Variants in WWC1 observed in about 807,000 individuals in gnomAD.
WWC1 encodes protein KIBRA.
WWC1 carries 55 observed loss-of-function variants against 138.4 expected under a neutral mutation model. The ratio of observed to expected loss-of-function variants is 0.40; its 90% CI spans 0.32 to 0.50. The LOEUF (loss-of-function observed/expected upper bound fraction) is 0.50, where lower values mean the gene tolerates loss of function less well. Ranked by LOEUF, WWC1 falls within the 20% of genes least tolerant of loss-of-function variation. WWC1 has a pLI of 0.72. For missense variants in WWC1, 1,226 were observed against 1,420.4 expected (o/e 0.86, Z 2.20); for synonymous variants, 524 against 564.9 (o/e 0.93, Z 1.03).
chr5:168,450,395 C>T (rs1286887435), intron 17 of WWC1, among the ~76,000 whole-genome samples: 1 of 152,024 alleles, frequency 6.6e-6, no homozygotes, highest in Non-Finnish European at 1.5e-5. Context: ...TGGCTGGGCA[C>T]GGTGACTCAC....
intron 5 of WWC1, 82 bp downstream of exon 5, chr5:168,399,649 C>T (rs1779162388): frequency 3.0e-6 from 4 of 1,330,306 alleles, no homozygotes; most frequent in Non-Finnish European, 4.3e-6. Flanking sequence ...CTCTCTCCTT[C>T]AGTCCCTTTC....
At chr5:168,297,932 G>T (rs1005335551) in intron 1 of WWC1, among the ~76,000 whole-genome samples, 9 of 152,146 alleles carry the variant, frequency 5.9e-5, no homozygotes, top group Admixed American at 6.6e-5. Flanking sequence ...TATGTCAAAT[G>T]ATTACATTTC....
intron 18 of WWC1, among the ~76,000 whole-genome samples, chr5:168,454,564 T>C (rs1317106829): frequency 6.6e-6 from 1 of 152,228 alleles, no homozygotes; most frequent in Admixed American, 6.5e-5. Flanking sequence ...GCTTCCCTGC[T>C]GCACTAGGGT....
At position 168,428,132 on chromosome 5, in the gene WWC1, C is replaced by T. The variant is rs1016177915; in HGVS notation, c.1910C>T (p.Ser637Phe). 1.9e-6 allele frequency: 3 copies of T among 1,613,058 alleles called. No individual in the cohort carries two copies. The highest frequency in any genetic ancestry group is 2.7e-5 in the African/African-American group (2 of 74,986). ...GGAGACAGTGGTGTGTACGAGGCTT[C>T]CGTGCAGAGGTAGGTGTCTGGGTGC... Reference protein sequence around the residue: ...VAGDSGVYEASVQRLGASEAA... With the variant: ...VAGDSGVYEAFVQRLGASEAA... Residue 637 changes from serine to phenylalanine, a missense_variant, in exon 12 of 23, where the codon TCC becomes TTC. Ser to Phe is a radical substitution (Grantham distance 155, BLOSUM62 -2). Coordinates refer to ENST00000265293, the MANE Select transcript of WWC1 (RefSeq NM_015238.3).
intron 1 of WWC1, among the ~76,000 whole-genome samples, chr5:168,339,114 T>C (rs1171827789): frequency 1.3e-5 from 2 of 152,148 alleles, no homozygotes; most frequent in Middle Eastern, 3.2e-3. Flanking sequence ...TTTTTAAAAA[T>C]TGAAAAAGAA....
chr5:168,436,122 C>G (rs1003474521), intron 15 of WWC1, among the ~76,000 whole-genome samples: 1 of 152,140 alleles, frequency 6.6e-6, no homozygotes, highest in African/African-American at 2.4e-5. Context: ...GGATTACAGA[C>G]GTGAGCCACC....
At position 168,455,448 on chromosome 5, in the gene WWC1, A is replaced by G; in HGVS notation, c.2751A>G (p.Pro917=). ...GAGTGGGCACCCCGTCCCAGGGGCC[A>G]TTTCTTCGAGGGAGCACCATCATCC... ...DRRVGTPSQG[P]FLRGSTIIRS... The change falls in exon 19 of 23, where the codon CCA becomes CCG. Residue 917 remains proline, a synonymous_variant. Coordinates refer to ENST00000265293, the MANE Select transcript of WWC1 (RefSeq NM_015238.3). The G allele has an allele frequency of 6.2e-7, 1 of 1,612,686 alleles. No homozygotes were observed. Among genetic ancestry groups the G allele is most frequent in the Non-Finnish European group, 8.5e-7 (1 of 1,179,410 alleles).
chr5:168,403,719 C>A (rs1231047051), intron 5 of WWC1, among the ~76,000 whole-genome samples: 2 of 151,810 alleles, frequency 1.3e-5, no homozygotes, highest in African/African-American at 4.8e-5. Flanking sequence ...AAGCACGAGC[C>A]CTGCCGTGCC....
intron 11 of WWC1, among the ~76,000 whole-genome samples, chr5:168,424,294 A>G (rs1294614940): frequency 6.6e-6 from 1 of 152,238 alleles, no homozygotes; most frequent in African/African-American, 2.4e-5. Flanking sequence ...ACAGACATTT[A>G]GCACCTCATA....
chr5:168,342,765 G>A (rs1040606765), intron 1 of WWC1, among the ~76,000 whole-genome samples: 2 of 152,174 alleles, frequency 1.3e-5, no homozygotes, highest in African/African-American at 2.4e-5. Context: ...ACCCATGAAT[G>A]ACTGGGATCC....
Position 168,445,308 on chromosome 5 carries a change from C to A in WWC1, c.2525+723C>A, listed in dbSNP as rs556288449. Among the ~76,000 whole-genome samples, 168 of 151,048 alleles carry A rather than the reference C, an allele frequency of 1.1e-3. 3 individuals carry two copies. Among genetic ancestry groups the A allele is most frequent in the Middle Eastern group, 7.1e-3 (2 of 280 alleles). ...CAACCTGGGTGATAGAGCAAAAAAA[C>A]AAAAGAAAGAAGAAGAATGTAATCC... On this transcript the variant is annotated intron_variant, in intron 17 of 22. Transcript: ENST00000265293.
At chr5:168,351,103 C>T (rs899591025) in intron 1 of WWC1, among the ~76,000 whole-genome samples, 3 of 150,872 alleles carry the variant, frequency 2.0e-5, no homozygotes, top group African/African-American at 4.9e-5. Flanking sequence ...GCCGAGATCA[C>T]GCCACGGCAC....
intron 21 of WWC1, among the ~76,000 whole-genome samples, chr5:168,465,299 C>T (rs1273811978): frequency 6.6e-6 from 1 of 152,184 alleles, no homozygotes; most frequent in Non-Finnish European, 1.5e-5. Context: ...ACAGCACGCA[C>T]TTTAAAAGAG....
At chr5:168,352,584 TA>T (rs1242113167) in intron 1 of WWC1, among the ~76,000 whole-genome samples, 3 of 146,000 alleles carry the variant, frequency 2.1e-5, no homozygotes, top group Non-Finnish European at 4.4e-5. Context: ...TATATATATA[TA>T]ATTTTTTTTT....
chr5:168,339,136 G>A (rs1199841932), intron 1 of WWC1, among the ~76,000 whole-genome samples: 1 of 152,128 alleles, frequency 6.6e-6, no homozygotes, highest in African/African-American at 2.4e-5. Context: ...ATGATGAGGT[G>A]CTGAGAAACG....
At chr5:168,367,314 G>C (rs936399556) in intron 1 of WWC1, among the ~76,000 whole-genome samples, 1 of 151,896 alleles carries the variant, frequency 6.6e-6, no homozygotes, top group African/African-American at 2.4e-5. Flanking sequence ...CTCACCCTTC[G>C]TCTTGTTATT....
rs144617502 is a variant in WWC1 at position 168,338,412 on chromosome 5, T to A, written c.120-33012T>A. ...GTGACAGGATAGAGTTTCCTTTTTT[T>A]TCTTTTTTTTTGGGGGGGGATTGAG... On this transcript the variant is annotated intron_variant, in intron 1 of 22. Coordinates refer to ENST00000265293, the MANE Select transcript of WWC1 (RefSeq NM_015238.3). Among the ~76,000 whole-genome samples the A allele has an allele frequency of 6.8e-3, 958 of 139,952 alleles. 13 individuals are homozygous for A. Among genetic ancestry groups the A allele is most frequent in the African/African-American group, 0.025 (902 of 35,676 alleles). The allele number at this position is 139,952 out of a possible 152,430, so 91.8% of individuals were successfully genotyped here.
intron 15 of WWC1, among the ~76,000 whole-genome samples, chr5:168,435,175 G>A (rs1782255089): frequency 6.6e-6 from 1 of 152,132 alleles, no homozygotes; most frequent in South Asian, 2.1e-4. Context: ...AGAGAGGACA[G>A]ACTCAGAAGA....
intron 1 of WWC1, among the ~76,000 whole-genome samples, chr5:168,361,898 A>G (rs1775906808): frequency 6.6e-6 from 1 of 152,150 alleles, no homozygotes; most frequent in Non-Finnish European, 1.5e-5. Flanking sequence ...CCTGGCCAAC[A>G]TGGTGAAACC....
Sources: allele counts gnomAD v4.1 joint callset (sites outside exome capture counted in the v4.1 genomes callset), GRCh38; gene constraint gnomAD v4.1.1; transcripts MANE v1.5; gene names NCBI Gene and HGNC (gene_info 2026-07-23, HGNC 2026-07-21).